Variants in ADCY8 observed in about 807,000 individuals in gnomAD.
The protein encoded by ADCY8 is adenylate cyclase type 8.
A neutral mutation model predicts 119.7 loss-of-function variants in ADCY8; 51 were observed. The observed-to-expected ratio is 0.43, with a 90% CI of 0.34 to 0.54. The LOEUF is 0.54. Among genes scored for constraint, ADCY8 ranks in the 20% least tolerant of loss-of-function variants. The probability of loss-of-function intolerance (pLI) is 0.03; values close to 1 mark genes in which losing one functional copy is unlikely to be tolerated. For missense variants in ADCY8, 1,383 were observed against 1,598.8 expected, an observed-to-expected ratio of 0.87 and a Z score of 2.30; for synonymous variants, 665 against 651.0, an observed-to-expected ratio of 1.02 and a Z score of -0.33.
rs147340165 is a variant in ADCY8 at position 130,934,410 on chromosome 8, C to G, written c.1481+2663G>C. Among the ~76,000 whole-genome samples the G allele has an allele frequency of 1.8e-3, 272 of 152,206 alleles. 1 individual carries two copies. Among genetic ancestry groups the G allele is most frequent in the African/African-American group, 6.2e-3 (259 of 41,510 alleles). On this transcript the variant is annotated intron_variant, in intron 5 of 17. Coordinates refer to ENST00000286355, the MANE Select transcript of ADCY8 (RefSeq NM_001115.3). ...GAGGTGCTACACACTTATAAACAAC[C>G]AGCTCTCATGAGAACTCACTCACTA...
chr8:130,944,340 C>A (rs1324083296), intron 3 of ADCY8, among the ~76,000 whole-genome samples: 1 of 152,174 alleles, frequency 6.6e-6, no homozygotes, highest in Non-Finnish European at 1.5e-5. Context: ...AGATAGGACA[C>A]AAAACAGGAT....
At chr8:130,853,179 T>A (rs140518798) in intron 9 of ADCY8, among the ~76,000 whole-genome samples, 1 of 152,186 alleles carries the variant, frequency 6.6e-6, no homozygotes, top group Admixed American at 6.5e-5. Flanking sequence ...ACTTATATTC[T>A]CCTCCTCTTC....
chr8:130,798,408 G>C (rs1418990814), intron 15 of ADCY8, among the ~76,000 whole-genome samples: 1 of 152,206 alleles, frequency 6.6e-6, no homozygotes, highest in Admixed American at 6.5e-5. Flanking sequence ...GAGAGGATGG[G>C]GTAAGGGCGA....
intron 2 of ADCY8, among the ~76,000 whole-genome samples, chr8:130,952,821 A>ACCATGATAG (rs1250399476): frequency 5.9e-5 from 9 of 152,300 alleles, no homozygotes; most frequent in African/African-American, 1.9e-4. Context: ...GGGTGTGCCC[A>ACCATGATAG]CCATGATAGC....
At chr8:130,781,077 A>G (rs1268133610) in intron 17 of ADCY8, among the ~76,000 whole-genome samples, 200 bp from the exon 18 acceptor site, 2 of 152,330 alleles carry the variant, frequency 1.3e-5, no homozygotes, top group East Asian at 1.9e-4. Flanking sequence ...TTTTCTCATC[A>G]GTAGAATGGA....
chr8:130,931,019 C>T (rs1820614540), intron 5 of ADCY8, among the ~76,000 whole-genome samples: 1 of 152,038 alleles, frequency 6.6e-6, no homozygotes, highest in South Asian at 2.1e-4. Context: ...TTACTTTGTA[C>T]TTATTTTTAC....
intron 1 of ADCY8, among the ~76,000 whole-genome samples, chr8:131,008,781 C>T (rs1472522175): frequency 6.6e-6 from 1 of 152,146 alleles, no homozygotes; most frequent in Admixed American, 6.5e-5. Flanking sequence ...TGTTGAATGG[C>T]TTTGACCAAA....
intron 9 of ADCY8, among the ~76,000 whole-genome samples, chr8:130,862,732 T>C (rs1437612746): frequency 6.6e-6 from 1 of 152,318 alleles, no homozygotes; most frequent in Non-Finnish European, 1.5e-5. Flanking sequence ...TTTAAATGTC[T>C]CTTGAAATCT....
At chr8:131,005,888 T>A (rs1823101270) in intron 1 of ADCY8, among the ~76,000 whole-genome samples, 1 of 152,198 alleles carries the variant, frequency 6.6e-6, no homozygotes, top group African/African-American at 2.4e-5. Flanking sequence ...CTCAAAACTT[T>A]GCTTCAGCTT....
chr8:130,898,624 A>G (rs911608457), intron 7 of ADCY8, among the ~76,000 whole-genome samples: 1 of 152,210 alleles, frequency 6.6e-6, no homozygotes, highest in Admixed American at 6.5e-5. Context: ...TAAATGTGAA[A>G]GGGATGGATG....
intron 4 of ADCY8, among the ~76,000 whole-genome samples, chr8:130,941,216 C>T (rs79880413): frequency 0.013 from 1,915 of 152,298 alleles, 18 homozygotes; most frequent in Non-Finnish European, 0.018. Flanking sequence ...ATGGCCTCTT[C>T]TCGTCAGACA....
At chr8:130,866,526 C>G (rs1818130052) in intron 9 of ADCY8, among the ~76,000 whole-genome samples, 1 of 152,150 alleles carries the variant, frequency 6.6e-6, no homozygotes, top group South Asian at 2.1e-4. Context: ...CATTTAATCA[C>G]TATTCTATAA....
chr8:130,831,119 G>A (rs1381393906), intron 12 of ADCY8, among the ~76,000 whole-genome samples: 1 of 152,158 alleles, frequency 6.6e-6, no homozygotes, highest in African/African-American at 2.4e-5. Flanking sequence ...ATAGGTTGAG[G>A]AGCACATATT....
chr8:130,786,166 A>G (rs1815243325), intron 15 of ADCY8, among the ~76,000 whole-genome samples: 2 of 151,986 alleles, frequency 1.3e-5, no homozygotes, highest in Non-Finnish European at 1.5e-5. Flanking sequence ...TTGCTTATTT[A>G]TTGTCCTCTT....
At chr8:130,834,901 A>C (rs1816939786) in intron 12 of ADCY8, among the ~76,000 whole-genome samples, 1 of 150,588 alleles carries the variant, frequency 6.6e-6, no homozygotes, top group Non-Finnish European at 1.5e-5. Flanking sequence ...TCAGTACATT[A>C]GAAGTTGGAT....
chr8:130,831,848 G>T (rs574322734), intron 12 of ADCY8, among the ~76,000 whole-genome samples: 72 of 152,242 alleles, frequency 4.7e-4, no homozygotes, highest in Middle Eastern at 3.4e-3. Flanking sequence ...TTCCAGAGTG[G>T]CAGCATTTGT....
chr8:130,936,534 A>G (rs1323905888), intron 5 of ADCY8, among the ~76,000 whole-genome samples: 1 of 152,034 alleles, frequency 6.6e-6, no homozygotes, highest in East Asian at 1.9e-4. Flanking sequence ...GTTTCTGTAC[A>G]TGTCCATCCT....
intron 11 of ADCY8, among the ~76,000 whole-genome samples, chr8:130,846,779 TCC>T (rs1817323188): frequency 4.1e-5 from 1 of 24,204 alleles, no homozygotes; most frequent in Admixed American, 4.6e-4. Context: ...TCCTTCCTTC[TCC>T]TTCCTTCCTT....
At chr8:130,932,894 A>G (rs151070309) in intron 5 of ADCY8, among the ~76,000 whole-genome samples, 4 of 152,202 alleles carry the variant, frequency 2.6e-5, no homozygotes, top group African/African-American at 7.2e-5. Context: ...TCAGTGAGTA[A>G]GAGACTAGGG....
Sources: gnomAD v4.1 joint callset for allele counts (sites outside exome capture counted in the v4.1 genomes callset) on GRCh38, gnomAD v4.1.1 for gene constraint, MANE v1.5 for transcripts, NCBI Gene and HGNC (gene_info 2026-07-23, HGNC 2026-07-21) for gene names.